The following SRPK2 variants were observed in gnomAD, a reference collection of about 807,000 sequenced individuals.
The protein encoded by SRPK2 is SRSF protein kinase 2.
A neutral mutation model predicts 90.8 loss-of-function variants in SRPK2; 21 were observed. The ratio of observed to expected loss-of-function variants is 0.23; its 90% confidence interval spans 0.16 to 0.33. The LOEUF is 0.33. SRPK2 is among the 10% of genes least tolerant of loss of function. SRPK2 has a pLI of 1.00. For missense variants in SRPK2, 620 were observed against 869.0 expected (o/e 0.71, Z 3.60); for synonymous variants, 288 against 311.1 (o/e 0.93, Z 0.78).
chr7:105,182,751 A>T (rs1477657766), intron 3 of SRPK2, among the ~76,000 whole-genome samples: 1 of 152,240 alleles, frequency 6.6e-6, no homozygotes, highest in African/African-American at 2.4e-5. Flanking sequence ...TACAGGCGTG[A>T]GCCACAGTGC....
chr7:105,300,254 C>CAAAAAAAAA (rs35542004), intron 2 of SRPK2, among the ~76,000 whole-genome samples: 1 of 76,302 alleles, frequency 1.3e-5, no homozygotes, highest in Non-Finnish European at 2.6e-5. Context: ...GACTCCATCT[C>CAAAAAAAAA]AAAAAAAAAA....
intron 2 of SRPK2, among the ~76,000 whole-genome samples, chr7:105,375,495 A>G (rs2132525423): frequency 6.6e-6 from 1 of 152,360 alleles, no homozygotes; most frequent in South Asian, 2.1e-4. Context: ...TAACCTGGGC[A>G]GCAAAGCAAT....
At chr7:105,325,408 A>T (rs1051026715) in intron 2 of SRPK2, among the ~76,000 whole-genome samples, 1 of 150,998 alleles carries the variant, frequency 6.6e-6, no homozygotes, top group Non-Finnish European at 1.5e-5. Flanking sequence ...AGTCCACATA[A>T]AGGAACCAAG....
intron 3 of SRPK2, among the ~76,000 whole-genome samples, chr7:105,170,727 A>G (rs925657600): frequency 9.3e-6 from 1 of 107,150 alleles, no homozygotes; most frequent in Non-Finnish European, 2.0e-5. Flanking sequence ...AAAGAAAAGG[A>G]AAGAAAGGGA....
chr7:105,178,259 G>A (rs1433713836), intron 3 of SRPK2, among the ~76,000 whole-genome samples: 2 of 152,068 alleles, frequency 1.3e-5, no homozygotes, highest in Non-Finnish European at 2.9e-5. Flanking sequence ...GACTAAGGAC[G>A]TTTTTAAAAG....
intron 2 of SRPK2, among the ~76,000 whole-genome samples, chr7:105,370,717 A>G (rs1819600025): frequency 6.6e-6 from 1 of 151,200 alleles, no homozygotes; most frequent in African/African-American, 2.4e-5. Context: ...CCAGGTTCAA[A>G]TGATTCTCAT....
At chr7:105,399,284 G>A (rs1554535604) in exon 1 of SRPK2, 1 of 152,204 alleles carries the variant, frequency 6.6e-6, no homozygotes, top group Non-Finnish European at 1.5e-5. Context: ...TTGCATAGCT[G>A]TTGCAGAGGC....
chr7:105,170,778 A>AGGAAGGAAGGAAGGAAGGAC (rs1408311048), intron 3 of SRPK2, among the ~76,000 whole-genome samples: 6 of 78,112 alleles, frequency 7.7e-5, no homozygotes, highest in South Asian at 6.1e-4. Flanking sequence ...GAAGGAAGGA[A>AGGAAGGAAGGAAGGAAGGAC]GGACGGGAGG....
intron 2 of SRPK2, among the ~76,000 whole-genome samples, chr7:105,351,209 C>G (rs1034763572): frequency 6.6e-6 from 1 of 152,106 alleles, no homozygotes; most frequent in Non-Finnish European, 1.5e-5. Context: ...AGCCCCCTAA[C>G]CATGTGATAC....
At chr7:105,192,266 T>A (rs1239563883) in intron 3 of SRPK2, among the ~76,000 whole-genome samples, 2 of 152,120 alleles carry the variant, frequency 1.3e-5, no homozygotes, top group Non-Finnish European at 1.5e-5. Context: ...TGCCTTTGCA[T>A]CCTCATAGCT....
At chr7:105,251,136 T>G (rs1437924321) in intron 2 of SRPK2, among the ~76,000 whole-genome samples, 1 of 152,150 alleles carries the variant, frequency 6.6e-6, no homozygotes, top group Admixed American at 6.5e-5. Flanking sequence ...TGAAATGAAG[T>G]AACTATAACA....
chr7:105,389,199 AC>A (rs1822053259), upstream of SRPK2: 1 of 1,126,274 alleles, frequency 8.9e-7, no homozygotes, highest in Admixed American at 5.2e-5. Context: ...CGGGCACCGG[AC>A]CCGCGGGACC....
At chr7:105,219,239 G>GAT (rs1797821960) in intron 2 of SRPK2, among the ~76,000 whole-genome samples, 1 of 152,112 alleles carries the variant, frequency 6.6e-6, no homozygotes, top group Non-Finnish European at 1.5e-5. Flanking sequence ...TAGGCACAAG[G>GAT]ATATATAGTA....
Position 105,128,712 on chromosome 7 carries a change from G to A in SRPK2, c.1753-1650C>T, listed in dbSNP as rs138719269. On this transcript the variant is annotated intron_variant, in intron 13 of 15. Transcript: ENST00000393651. ...TTAATTTTCAAAATGACTTCAATCT[G>A]GTTGCATATATTTCTTTTTCTTTCA... Among the ~76,000 whole-genome samples, 115 of 152,262 alleles carry A rather than the reference G, an allele frequency of 7.6e-4. 1 individual carries two copies. Among genetic ancestry groups the A allele is most frequent in the African/African-American group, 2.5e-3 (105 of 41,556 alleles).
At chr7:105,382,834 ACAATTTGTTAGAACTACACAGAG>A (rs1268225434) in intron 2 of SRPK2, among the ~76,000 whole-genome samples, 5 of 152,132 alleles carry the variant, frequency 3.3e-5, no homozygotes, top group Admixed American at 3.3e-4. Flanking sequence ...CACAAGTGAC[ACAATTTGTTAGAACTACACAGAG>A]AGTGCATGTA....
At chr7:105,151,471 C>T (rs1488283411) in intron 7 of SRPK2, among the ~76,000 whole-genome samples, 2 of 152,194 alleles carry the variant, frequency 1.3e-5, no homozygotes, top group Non-Finnish European at 2.9e-5. Context: ...AATGGTAAAA[C>T]GTATCTAAGT....
rs146721282 is a variant in SRPK2 at position 105,244,780 on chromosome 7, G to A, written c.72-40995C>T. 5,146 of 976,392 alleles carry A rather than the reference G, an allele frequency of 5.3e-3. 23 individuals are homozygous for A. Among genetic ancestry groups the A allele is most frequent in the Non-Finnish European group, 6.7e-3 (4,068 of 603,604 alleles). 60.5% of individuals were successfully genotyped at this position (976,392 alleles called of 1,614,324 possible). ...AACACACCAAGTTTGTGCGGGACAT[G>A]ATCCCGGAGGCATGTGGCTTCGCCC... On this transcript the variant is annotated intron_variant, in intron 2 of 15. Coordinates refer to ENST00000393651, the MANE Select transcript of SRPK2 (RefSeq NM_182692.3).
At chr7:105,381,136 T>C (rs1228753789) in intron 2 of SRPK2, among the ~76,000 whole-genome samples, 2 of 151,552 alleles carry the variant, frequency 1.3e-5, no homozygotes, top group Non-Finnish European at 2.9e-5. Context: ...CCCAGCTACT[T>C]GGGAGGCTGA....
chr7:105,257,868 T>C (rs141621444), intron 2 of SRPK2, among the ~76,000 whole-genome samples: 152 of 152,190 alleles, frequency 1.0e-3, no homozygotes, highest in Middle Eastern at 6.8e-3. Flanking sequence ...ACCCAGCACA[T>C]TGGGAGTCCG....
Sources: allele counts gnomAD v4.1 joint callset (sites outside exome capture counted in the v4.1 genomes callset), GRCh38; gene constraint gnomAD v4.1.1; transcripts MANE v1.5; gene names NCBI Gene and HGNC (gene_info 2026-07-23, HGNC 2026-07-21).